The following AGGF1 variants were observed in gnomAD, a reference collection of about 807,000 sequenced individuals.
AGGF1 encodes angiogenic factor with G-patch and FHA domains 1, also known as angiogenic factor with G patch and FHA domains 1.
Under a neutral mutation model 86.5 loss-of-function variants are expected in AGGF1, and 56 were observed. The observed-to-expected ratio is 0.65, with a 90% CI of 0.52 to 0.81. The LOEUF (loss-of-function observed/expected upper bound fraction) is 0.81, where lower values mean the gene tolerates loss of function less well. Ranked by LOEUF, AGGF1 falls within the 30% of genes least tolerant of loss-of-function variation. AGGF1 has a pLI of 0.00. For missense variants in AGGF1, 816 were observed against 850.9 expected, an observed-to-expected ratio of 0.96 and a Z score of 0.51; for synonymous variants, 313 against 297.1, an observed-to-expected ratio of 1.05 and a Z score of -0.55.
chr5:77,061,610 A>T, intron 12 of AGGF1, 93 bp from the exon 13 acceptor site: 1 of 1,279,536 alleles, frequency 7.8e-7, no homozygotes, highest in Non-Finnish European at 1.1e-6. Context: ...TTTCTAAAGT[A>T]GTTGTACCAA....
chr5:77,061,862 T>G (rs1308979286), intron 13 of AGGF1, 60 bp downstream of exon 13: 19 of 1,500,988 alleles, frequency 1.3e-5, no homozygotes, highest in Non-Finnish European at 1.7e-5. Flanking sequence ...CCGTGTACAT[T>G]AATGTGCCAA....
At chr5:77,052,908 G>A in intron 9 of AGGF1, 101 bp downstream of exon 9, 1 of 988,218 alleles carries the variant, frequency 1.0e-6, no homozygotes, top group Non-Finnish European at 1.6e-6. Flanking sequence ...TCAGAGTAGA[G>A]TTAAGCCCAA....
At chr5:77,049,455 G>C (rs1747330318) in intron 8 of AGGF1, among the ~76,000 whole-genome samples, 2 of 151,630 alleles carry the variant, frequency 1.3e-5, no homozygotes, top group Admixed American at 1.3e-4. Context: ...AAGAACAATT[G>C]AGTTTTCAAA....
chr5:77,045,007 G>C (rs1314780001), intron 5 of AGGF1, among the ~76,000 whole-genome samples: 1 of 151,654 alleles, frequency 6.6e-6, no homozygotes, highest in African/African-American at 2.4e-5. Flanking sequence ...GGAGGTTGGA[G>C]CGAGCCGAGA....
Position 77,035,526 on chromosome 5 carries a change from A to T in AGGF1, c.314-15A>T. 6.3e-7 allele frequency: 1 copy of T among 1,594,144 alleles called. No individual in the cohort carries two copies. Among genetic ancestry groups the T allele is most frequent in the Non-Finnish European group, 8.6e-7 (1 of 1,164,444 alleles). ...TTCTAATATGATACGATTTCACTTC[A>T]TTTTTTTGCTACAGATTATTTTTAT... is the stretch of plus-strand genomic sequence containing the variant. On this transcript the variant is annotated splice_polypyrimidine_tract_variant and intron_variant, in intron 2 of 13. Coordinates refer to ENST00000312916, the MANE Select transcript of AGGF1 (RefSeq NM_018046.5).
At chr5:77,039,750 T>C (rs1364189649) in intron 5 of AGGF1, 31 bp downstream of exon 5, 7 of 1,585,134 alleles carry the variant, frequency 4.4e-6, no homozygotes, top group Non-Finnish European at 6.0e-6. Flanking sequence ...AAAATTGACA[T>C]AATGGTGATA....
intron 6 of AGGF1, 45 bp downstream of exon 6, chr5:77,046,722 C>CTTTAT (rs1348416975): frequency 6.4e-7 from 1 of 1,557,948 alleles, no homozygotes; most frequent in Non-Finnish European, 8.8e-7. Context: ...AGTCTGGTAA[C>CTTTAT]TATAAAAGAG....
intron 5 of AGGF1, 124 bp downstream of exon 5, chr5:77,039,843 C>A: frequency 1.2e-6 from 1 of 820,896 alleles, no homozygotes; most frequent in Non-Finnish European, 1.9e-6. Flanking sequence ...TTAAGATAAC[C>A]TAGGAAAGTT....
intron 8 of AGGF1, among the ~76,000 whole-genome samples, chr5:77,051,259 C>G (rs1747367925): frequency 6.6e-6 from 1 of 151,930 alleles, no homozygotes. Flanking sequence ...CGGTGAAACC[C>G]CATCTCTACT....
Position 77,059,755 on chromosome 5 carries a change from A to AT in AGGF1, c.1844+14dup, listed in dbSNP as rs1580137307. 2 of 1,613,302 alleles carry AT rather than the reference A, an allele frequency of 1.2e-6. No individual in the cohort carries two copies. The highest frequency in any genetic ancestry group is 2.7e-5 in the African/African-American group (2 of 74,930). ...GCATCTGTTCATTCGTAAGTTTTGA[A>AT]TTACAGTGGCTCGAAACATCCTTTG... On this transcript the variant is annotated intron_variant, in intron 12 of 13. Transcript: ENST00000312916.
At chr5:77,042,881 CG>C (rs1364730139) in intron 5 of AGGF1, among the ~76,000 whole-genome samples, 2 of 55,486 alleles carry the variant, frequency 3.6e-5, no homozygotes, top group African/African-American at 5.5e-5. Flanking sequence ...ACCTCCCTCC[CG>C]GGCGGGGCGG....
At chr5:77,056,973 A>G (rs1747473119) in intron 11 of AGGF1, among the ~76,000 whole-genome samples, 1 of 151,116 alleles carries the variant, frequency 6.6e-6, no homozygotes, top group African/African-American at 2.5e-5. Flanking sequence ...TTCACCAAAG[A>G]AGATATGCTG....
chr5:77,050,428 G>A (rs1349883654), intron 8 of AGGF1, among the ~76,000 whole-genome samples: 1 of 146,048 alleles, frequency 6.8e-6, no homozygotes, highest in Admixed American at 7.2e-5. Flanking sequence ...TGATCCTCCT[G>A]CCTCAGTTTC....
At chr5:77,049,643 G>A (rs1231981083) in intron 8 of AGGF1, among the ~76,000 whole-genome samples, 1 of 150,364 alleles carries the variant, frequency 6.7e-6, no homozygotes, top group Non-Finnish European at 1.5e-5. Flanking sequence ...TCATCTTCCC[G>A]GGTTCAAGCA....
At chr5:77,044,385 TC>T (rs1029424767) in intron 5 of AGGF1, among the ~76,000 whole-genome samples, 3 of 152,218 alleles carry the variant, frequency 2.0e-5, no homozygotes, top group African/African-American at 7.2e-5. Flanking sequence ...CAAGAGAGTA[TC>T]TTCATCTGTT....
Position 77,052,881 on chromosome 5 carries a change from A to G in AGGF1, c.1467+74A>G, listed in dbSNP as rs1450091120. 4.1e-6 allele frequency: 5 copies of G among 1,214,650 alleles called. No individual in the cohort carries two copies. In the South Asian group the frequency reaches 6.3e-5, roughly 15 times the overall value. The allele number at this position is 1,214,650 out of a possible 1,614,324, so 75.2% of individuals were successfully genotyped here. A position where few individuals can be genotyped will look rare whatever the true frequency, so the allele number is the denominator to read the frequency against. On this transcript the variant is annotated intron_variant, in intron 9 of 13. Transcript: ENST00000312916. ...ATTTTTTTTTATTTCTGAAGGGCAT[A>G]ATCTTTATCATTTGGTTCAGAGTAG...
chr5:77,043,784 T>C (rs200352208), intron 5 of AGGF1, among the ~76,000 whole-genome samples: 2,788 of 94,088 alleles, frequency 0.03, 96 homozygotes, highest in African/African-American at 0.064. Context: ...CTTCTCAGAG[T>C]GGGCAGCTGC....
At chr5:77,038,187 G>A (rs1005439961) in intron 4 of AGGF1, among the ~76,000 whole-genome samples, 1 of 152,090 alleles carries the variant, frequency 6.6e-6, no homozygotes, top group Admixed American at 6.5e-5. Context: ...GTAAAGAGAG[G>A]GTTTTCTTTC....
At chr5:77,031,521 G>A (rs1284885748) in intron 1 of AGGF1, among the ~76,000 whole-genome samples, 1 of 152,198 alleles carries the variant, frequency 6.6e-6, no homozygotes, top group African/African-American at 2.4e-5. Flanking sequence ...ATATATAACT[G>A]CTTTTGTTGG....
Sources: gnomAD v4.1 joint callset for allele counts (sites outside exome capture counted in the v4.1 genomes callset) on GRCh38, gnomAD v4.1.1 for gene constraint, MANE v1.5 for transcripts, NCBI Gene and HGNC (gene_info 2026-07-23, HGNC 2026-07-21) for gene names.